DNTT: variants seen among roughly 807,000 people sequenced by gnomAD.
DNTT encodes DNA nucleotidylexotransferase.
Under a neutral mutation model 60.9 loss-of-function variants are expected in DNTT, and 47 were observed. The ratio of observed to expected loss-of-function variants is 0.77; its 90% CI spans 0.61 to 0.98. DNTT has a LOEUF of 0.98. DNTT is among the 50% of genes least tolerant of loss of function. The probability of loss-of-function intolerance (pLI) is 0.00; values close to 1 mark genes in which losing one functional copy is unlikely to be tolerated. For synonymous variants in DNTT, 224 were observed against 221.2 expected (o/e 1.01, Z -0.11); for missense variants, 665 against 627.5 (o/e 1.06, Z -0.64).
At chr10:96,325,186 A>G (rs1208109258) in intron 6 of DNTT, among the ~76,000 whole-genome samples, 1 of 152,202 alleles carries the variant, frequency 6.6e-6, no homozygotes, top group African/African-American at 2.4e-5. Context: ...ATAAAAATAC[A>G]ATACAGTTGT....
In DNTT at chr10:96,304,657, G is replaced by C; in HGVS notation, c.160G>C (p.Glu54Gln). The stretch of plus-strand genomic sequence containing the variant: ...AACCACCCGCAGAGCGTTCCTCATG[G>C]AGCTGGCCCGCAGGAAAGGGTTCAG... ...MGTTRRAFLM[E>Q]LARRKGFRVE... The change falls in exon 1 of 11, where the codon GAG (glutamate) becomes CAG (glutamine). Residue 54 changes from glutamate to glutamine, a missense_variant. Glu to Gln is a conservative substitution (Grantham distance 29). Transcript: ENST00000371174. 1.2e-6 allele frequency: 2 copies of C among 1,614,140 alleles called. No individual in the cohort carries two copies. Among genetic ancestry groups the C allele is most frequent in the South Asian group, 1.1e-5 (1 of 91,084 alleles).
intron 8 of DNTT, among the ~76,000 whole-genome samples, chr10:96,330,138 A>C (rs1461843937): frequency 6.6e-6 from 1 of 152,200 alleles, no homozygotes; most frequent in Admixed American, 6.5e-5. Context: ...GGTTGTGTGC[A>C]TGTTTGACAA....
At chr10:96,306,165 C>G (rs948333794) in intron 1 of DNTT, among the ~76,000 whole-genome samples, 30 of 149,638 alleles carry the variant, frequency 2.0e-4, no homozygotes, top group African/African-American at 7.5e-4. Flanking sequence ...ACAATCTCGG[C>G]TCACTGCAAC....
rs869059822 is a variant in DNTT, at chr10:96,314,402, C to CTTTTTTTTTTTTTTTTTTTTTTTTT, written c.204-3946_204-3922dup. Reference sequence around the variant, plus strand: ...TAACATTTCCAAGGCTATCTCTTCCCTTTTTTTTTTTTTTTTTTTTTTTTT... The same window carrying CTTTTTTTTTTTTTTTTTTTTTTTTT: ...TAACATTTCCAAGGCTATCTCTTCCCTTTTTTTTTTTTTTTTTTTTTTTTTTTTTTTTTTTTTTTTTTTTTTTTTT... On this transcript the variant is annotated intron_variant, in intron 1 of 10. Transcript: ENST00000371174. Among the ~76,000 whole-genome samples the CTTTTTTTTTTTTTTTTTTTTTTTTT allele has an allele frequency of 3.4e-4, 18 of 53,216 alleles. 5 individuals are homozygous for CTTTTTTTTTTTTTTTTTTTTTTTTT. Among genetic ancestry groups the CTTTTTTTTTTTTTTTTTTTTTTTTT allele is most frequent in the East Asian group, 7.3e-4 (2 of 2,734 alleles). The allele number at this position is 53,216 out of a possible 152,430, so 34.9% of individuals were successfully genotyped here. A position where few individuals can be genotyped will look rare whatever the true frequency, so the allele number is the denominator to read the frequency against.
rs111999650 is a variant in DNTT, at chr10:96,328,844, T to C, written c.1113+14T>C. 107 of 1,608,700 alleles carry C rather than the reference T, an allele frequency of 6.7e-5. No homozygotes were observed. The highest frequency in any genetic ancestry group is 1.9e-4 in the African/African-American group (14 of 74,704). ...TGGGAAAAGAAGGTGAGAAGAAAGA[T>C]GAAAAATACATGCACACGCAAACAT... On this transcript the variant is annotated intron_variant, in intron 8 of 10. Coordinates refer to ENST00000371174, the MANE Select transcript of DNTT (RefSeq NM_004088.4).
intron 8 of DNTT, among the ~76,000 whole-genome samples, chr10:96,329,730 G>A (rs1844983818): frequency 6.6e-6 from 1 of 152,214 alleles, no homozygotes; most frequent in East Asian, 1.9e-4. Context: ...TGGGCGTCGA[G>A]TCTTCCCAGA....
intron 8 of DNTT, among the ~76,000 whole-genome samples, chr10:96,331,705 G>A (rs1006438821): frequency 6.6e-6 from 1 of 152,148 alleles, no homozygotes; most frequent in Middle Eastern, 3.2e-3. Flanking sequence ...GAGATTTAGG[G>A]GGACAAACAT....
In DNTT at chr10:96,324,004, T is replaced by G. The variant is rs184785076; in HGVS notation, c.751-262T>G. On this transcript the variant is annotated intron_variant, in intron 5 of 10. Coordinates refer to ENST00000371174, the MANE Select transcript of DNTT (RefSeq NM_004088.4). ...CACAGGCAGGCCGTCAATTAGACTA[T>G]ACCTTAGCCCTGCACAGGTGCCAGA... Among the ~76,000 whole-genome samples the G allele has an allele frequency of 7.3e-3, 1,119 of 152,334 alleles. 5 individuals are homozygous for G. Among genetic ancestry groups the G allele is most frequent in the Non-Finnish European group, 0.011 (767 of 68,014 alleles).
intron 1 of DNTT, among the ~76,000 whole-genome samples, chr10:96,304,976 G>A (rs1844617271): frequency 6.6e-6 from 1 of 152,196 alleles, no homozygotes; most frequent in African/African-American, 2.4e-5. Context: ...GGGATGATAA[G>A]CAGAACACTA....
intron 6 of DNTT, 21 bp downstream of exon 6, chr10:96,324,410 G>C: frequency 1.9e-6 from 3 of 1,613,220 alleles, no homozygotes; most frequent in Non-Finnish European, 2.5e-6. Context: ...TCTCCTAAAA[G>C]TCATTGTTGC....
intron 1 of DNTT, among the ~76,000 whole-genome samples, chr10:96,313,461 C>T (rs536645511): frequency 6.6e-6 from 1 of 152,268 alleles, no homozygotes; most frequent in Admixed American, 6.5e-5. Context: ...ATTTCAAACA[C>T]ACAAACAAAG....
chr10:96,338,490 A>T lies in DNTT; in HGVS notation c.*266A>T. 1 of 276,658 alleles carries T rather than the reference A, an allele frequency of 3.6e-6. No homozygotes were observed. Among genetic ancestry groups the T allele is most frequent in the South Asian group, 8.4e-5 (1 of 11,904 alleles). The allele number at this position is 276,658 out of a possible 1,614,324, so 17.1% of individuals were successfully genotyped here. Reference sequence around the variant, plus strand: ...GTTGTCACTGGTGGCTCATTCAGGGAAGCTCATCAAAGCCCACTTTGTTCG... The same window carrying T: ...GTTGTCACTGGTGGCTCATTCAGGGTAGCTCATCAAAGCCCACTTTGTTCG... On this transcript the variant is annotated 3_prime_UTR_variant, in exon 11 of 11. Coordinates refer to ENST00000371174, the MANE Select transcript of DNTT (RefSeq NM_004088.4).
chr10:96,329,490 C>A (rs192114279), intron 8 of DNTT, among the ~76,000 whole-genome samples: 2 of 152,344 alleles, frequency 1.3e-5, no homozygotes, highest in East Asian at 3.9e-4. Flanking sequence ...GAGGGTCCTA[C>A]CCTTGGGACC....
chr10:96,304,934 T>C (rs900653471), intron 1 of DNTT, among the ~76,000 whole-genome samples: 2 of 152,216 alleles, frequency 1.3e-5, no homozygotes, highest in African/African-American at 4.8e-5. Context: ...TTTTTGTTTT[T>C]TGCTTTTCAC....
intron 1 of DNTT, among the ~76,000 whole-genome samples, chr10:96,317,194 G>T (rs1844796610): frequency 6.6e-6 from 1 of 152,050 alleles, no homozygotes; most frequent in Admixed American, 6.6e-5. Flanking sequence ...AACATATCTG[G>T]CCCAGAAAAA....
chr10:96,337,384 C>T (rs1463714164), intron 10 of DNTT, among the ~76,000 whole-genome samples: 3 of 152,198 alleles, frequency 2.0e-5, no homozygotes. Context: ...GACTGAGAGT[C>T]AAGAGGAGTG....
intron 1 of DNTT, among the ~76,000 whole-genome samples, chr10:96,304,969 A>T (rs368728097): frequency 5.9e-5 from 9 of 152,218 alleles, no homozygotes; most frequent in African/African-American, 2.2e-4. Flanking sequence ...TTATTTAGGG[A>T]TGATAAGCAG....
chr10:96,313,102 A>C (rs558678362), intron 1 of DNTT, among the ~76,000 whole-genome samples: 1 of 152,316 alleles, frequency 6.6e-6, no homozygotes, highest in African/African-American at 2.4e-5. Flanking sequence ...TACCAATGCC[A>C]GTTCTCTCAG....
intron 9 of DNTT, among the ~76,000 whole-genome samples, chr10:96,333,587 A>G (rs115109230): frequency 0.014 from 2,104 of 152,330 alleles, 39 homozygotes; most frequent in African/African-American, 0.048. Context: ...CAGCAGATGA[A>G]TGGATTTTTA....
Sources: gnomAD v4.1 joint callset for allele counts (sites outside exome capture counted in the v4.1 genomes callset) on GRCh38, gnomAD v4.1.1 for gene constraint, MANE v1.5 for transcripts, NCBI Gene and HGNC (gene_info 2026-07-23, HGNC 2026-07-21) for gene names.